The following GATAD2B variants were observed in gnomAD, a reference collection of about 807,000 sequenced individuals.
GATAD2B encodes transcriptional repressor p66-beta.
In GATAD2B, 8 loss-of-function variants were observed where a neutral mutation model predicts 64.3. The observed-to-expected ratio is 0.12, with a 90% confidence interval of 0.07 to 0.22. GATAD2B has a LOEUF of 0.22. GATAD2B is among the 10% of genes least tolerant of loss of function. GATAD2B has a pLI of 1.00. For missense variants in GATAD2B, 453 were observed against 752.0 expected, an observed-to-expected ratio of 0.60 and a Z score of 4.65; for synonymous variants, 281 against 271.3, an observed-to-expected ratio of 1.04 and a Z score of -0.35.
chr1:153,904,044 G>A (rs1677855709), intron 1 of GATAD2B, among the ~76,000 whole-genome samples: 1 of 152,132 alleles, frequency 6.6e-6, no homozygotes, highest in South Asian at 2.1e-4. Flanking sequence ...ACTTCGGGAA[G>A]GTAAGGCGGG....
At chr1:153,815,303 A>AAAAAAAAAAAG (rs1557780311) in intron 7 of GATAD2B, among the ~76,000 whole-genome samples, 16 of 148,922 alleles carry the variant, frequency 1.1e-4, no homozygotes, top group African/African-American at 3.7e-4. Flanking sequence ...CAAAAAAAAA[A>AAAAAAAAAAAG]AAAAGAAAAG....
At chr1:153,815,931 T>C (rs1440608631) in intron 7 of GATAD2B, among the ~76,000 whole-genome samples, 1 of 152,144 alleles carries the variant, frequency 6.6e-6, no homozygotes, top group Non-Finnish European at 1.5e-5. Context: ...CACGTGCCTG[T>C]AGTCCCAGCT....
chr1:153,919,880 G>A (rs1389258309), intron 1 of GATAD2B, among the ~76,000 whole-genome samples: 1 of 152,204 alleles, frequency 6.6e-6, no homozygotes, highest in African/African-American at 2.4e-5. Context: ...AGGGCTTTAA[G>A]TACTGCAAAG....
intron 1 of GATAD2B, among the ~76,000 whole-genome samples, chr1:153,912,482 T>C (rs552475133): frequency 1.3e-5 from 2 of 152,346 alleles, no homozygotes; most frequent in Admixed American, 1.3e-4. Context: ...CAAACTGTAG[T>C]GCACAGAAAG....
intron 1 of GATAD2B, among the ~76,000 whole-genome samples, chr1:153,836,540 T>G (rs931957623): frequency 1.8e-5 from 2 of 108,458 alleles, no homozygotes; most frequent in African/African-American, 5.8e-5. Context: ...CGTGAGCCAC[T>G]GCACCCAGCC....
rs563992296 is a variant in GATAD2B, at chr1:153,868,922, C to T, written c.-1-40574G>A. ...GCTAGTTTCGTATTTTTAGTAGAGA[C>T]GAAGCCAAGATACTTAGAAGCCACT... is the stretch of plus-strand genomic sequence containing the variant. On this transcript the variant is annotated intron_variant, in intron 1 of 10. Coordinates refer to ENST00000368655, the MANE Select transcript of GATAD2B (RefSeq NM_020699.4). Among the ~76,000 whole-genome samples, 9 of 151,932 alleles carry T rather than the reference C, an allele frequency of 5.9e-5. No homozygotes were observed. The South Asian group carries it at 6.2e-4, about 11-fold the overall frequency.
At chr1:153,879,910 G>A (rs1427875534) in intron 1 of GATAD2B, among the ~76,000 whole-genome samples, 1 of 151,922 alleles carries the variant, frequency 6.6e-6, no homozygotes, top group Non-Finnish European at 1.5e-5. Flanking sequence ...TGGACACTTA[G>A]AACAATCTCT....
chr1:153,920,612 G>A (rs998772813), intron 1 of GATAD2B, among the ~76,000 whole-genome samples: 9 of 152,250 alleles, frequency 5.9e-5, no homozygotes, highest in South Asian at 2.1e-4. Flanking sequence ...CATCACATAC[G>A]GTCAGGGAAG....
chr1:153,852,984 G>A, intron 1 of GATAD2B: 8 of 1,004,746 alleles, frequency 8.0e-6, no homozygotes, highest in Non-Finnish European at 1.3e-5. Context: ...TCTCCACAGT[G>A]CCAGTCACTA....
chr1:153,889,697 G>A (rs948998759), intron 1 of GATAD2B: 12 of 786,930 alleles, frequency 1.5e-5, no homozygotes, highest in Non-Finnish European at 1.8e-5. Context: ...ATTTTCATAT[G>A]TTCTCTGTAT....
chr1:153,830,826 G>C (rs1675054538), intron 1 of GATAD2B, among the ~76,000 whole-genome samples: 1 of 152,008 alleles, frequency 6.6e-6, no homozygotes, highest in Admixed American at 6.6e-5. Flanking sequence ...CCCAGGCTAG[G>C]GTGCAAGTGG....
intron 1 of GATAD2B, among the ~76,000 whole-genome samples, chr1:153,880,695 T>C (rs1016939110): frequency 5.9e-5 from 9 of 151,792 alleles, no homozygotes; most frequent in Admixed American, 5.9e-4. Flanking sequence ...AATACAAAAA[T>C]TAGCCAGGTG....
intron 2 of GATAD2B, among the ~76,000 whole-genome samples, chr1:153,821,776 C>T (rs576908561): frequency 4.6e-4 from 70 of 151,000 alleles, no homozygotes; most frequent in Admixed American, 2.2e-3. Flanking sequence ...CCGTTTTGGC[C>T]AGGCTGGTCT....
intron 1 of GATAD2B, among the ~76,000 whole-genome samples, chr1:153,848,781 G>A (rs751975871): frequency 3.9e-5 from 6 of 152,050 alleles, no homozygotes; most frequent in East Asian, 1.9e-4. Flanking sequence ...GTGAAACCCC[G>A]TCCCTACTGA....
chr1:153,826,299 G>A (rs888106294), intron 2 of GATAD2B, among the ~76,000 whole-genome samples: 13 of 152,040 alleles, frequency 8.6e-5, no homozygotes, highest in East Asian at 2.0e-4. Flanking sequence ...GATTACAGGC[G>A]TGAGCCACCG....
At chr1:153,878,774 CTTTTTT>C (rs71093297) in intron 1 of GATAD2B, among the ~76,000 whole-genome samples, 4 of 108,128 alleles carry the variant, frequency 3.7e-5, no homozygotes, top group South Asian at 6.1e-4. Context: ...TACTTTATTC[CTTTTTT>C]TTTTTTTTTT....
intron 1 of GATAD2B, among the ~76,000 whole-genome samples, chr1:153,851,189 C>T (rs1675886057): frequency 6.6e-6 from 1 of 152,188 alleles, no homozygotes; most frequent in Non-Finnish European, 1.5e-5. Context: ...CATAAGTAGA[C>T]TCACATAGTT....
At chr1:153,902,350 G>A (rs1463051338) in intron 1 of GATAD2B, among the ~76,000 whole-genome samples, 1 of 152,172 alleles carries the variant, frequency 6.6e-6, no homozygotes, top group Non-Finnish European at 1.5e-5. Flanking sequence ...TTACAGCCAA[G>A]GTGTAAAAAG....
chr1:153,896,905 A>C lies in GATAD2B; in HGVS notation c.-2+25828T>G, dbSNP rs76264488. Among the ~76,000 whole-genome samples, 1,231 of 152,318 alleles carry C rather than the reference A, an allele frequency of 8.1e-3. 19 individuals carry two copies. Among genetic ancestry groups the C allele is most frequent in the African/African-American group, 0.029 (1,187 of 41,564 alleles). On this transcript the variant is annotated intron_variant, in intron 1 of 10. Coordinates refer to ENST00000368655, the MANE Select transcript of GATAD2B (RefSeq NM_020699.4). ...TTTATACTCATTGCTTTTTATATCC[A>C]AGGCAACATTAGTAAGACCCATTTT... is the stretch of plus-strand genomic sequence containing the variant.
Sources: allele counts gnomAD v4.1 joint callset (sites outside exome capture counted in the v4.1 genomes callset), GRCh38; gene constraint gnomAD v4.1.1; transcripts MANE v1.5; gene names NCBI Gene and HGNC (gene_info 2026-07-23, HGNC 2026-07-21).